Variants in ABHD18 observed in about 807,000 individuals in gnomAD.
The protein encoded by ABHD18 is abhydrolase domain containing 18.
Under a neutral mutation model 65.9 loss-of-function variants are expected in ABHD18, and 55 were observed. The observed-to-expected ratio is 0.84, with a 90% CI of 0.67 to 1.05. The LOEUF is 1.05. ABHD18 is among the 50% of genes least tolerant of loss of function. ABHD18 has a pLI of 0.00. For missense variants in ABHD18, 533 were observed against 558.5 expected (o/e 0.95, Z 0.46); for synonymous variants, 181 against 180.2 (o/e 1.00, Z -0.04).
chr4:128,031,322 C>T lies in ABHD18; in HGVS notation c.1343+650C>T, dbSNP rs968231870. 12 of 163,406 alleles carry T rather than the reference C, an allele frequency of 7.3e-5. No individual in the cohort carries two copies. In the South Asian group the frequency reaches 1.4e-3, roughly 19 times the overall value. The allele number at this position is 163,406 out of a possible 1,614,324, so 10.1% of individuals were successfully genotyped here. On this transcript the variant is annotated intron_variant, in intron 12 of 12. Transcript: ENST00000645843. ...ACAAAAAAAAAAAAAAAAAAGTAGC[C>T]GGGCATAGGTGGTGCATGTCTGTAG...
chr4:127,976,105 AC>A (rs1288568939), intron 1 of ABHD18, among the ~76,000 whole-genome samples: 3 of 152,316 alleles, frequency 2.0e-5, no homozygotes, highest in Non-Finnish European at 4.4e-5. Context: ...GGCATGAACC[AC>A]CACGTCTGGC....
Position 127,980,825 on chromosome 4 carries a change from C to CAAA in ABHD18, c.-17-2094_-17-2092dup, listed in dbSNP as rs768450115. On this transcript the variant is annotated intron_variant, in intron 1 of 12. Transcript: ENST00000645843. Reference sequence around the variant, plus strand: ...TGGGCAACAGAGCAAGACTGCATCTCAAAAAAAAAAAAAAAAAAAAAAGTG... The same window carrying CAAA: ...TGGGCAACAGAGCAAGACTGCATCTCAAAAAAAAAAAAAAAAAAAAAAAAAGTG... 1.9e-3 allele frequency among the ~76,000 whole-genome samples: 90 copies of CAAA among 46,460 alleles called. 1 individual carries two copies. Among genetic ancestry groups the CAAA allele is most frequent in the African/African-American group, 5.1e-3 (80 of 15,762 alleles). The allele number at this position is 46,460 out of a possible 152,430, so 30.5% of individuals were successfully genotyped here. A position where few individuals can be genotyped will look rare whatever the true frequency, so the allele number is the denominator to read the frequency against.
intron 4 of ABHD18, among the ~76,000 whole-genome samples, chr4:128,005,335 T>G (rs1753424091): frequency 6.6e-6 from 1 of 152,246 alleles, no homozygotes; most frequent in South Asian, 2.1e-4. Flanking sequence ...ATTACTTAGA[T>G]TCATAGGTAG....
chr4:128,021,140 G>A lies in ABHD18; in HGVS notation c.703G>A (p.Val235Met), dbSNP rs748557289. 22 of 1,534,884 alleles carry A rather than the reference G, an allele frequency of 1.4e-5. No homozygotes were observed. Among genetic ancestry groups the A allele is most frequent in the Non-Finnish European group, 1.8e-5 (20 of 1,133,300 alleles). The change falls in exon 10 of 13, where the codon GTG becomes ATG. Residue 235 changes from valine to methionine, a missense_variant. Val to Met is a conservative substitution (Grantham distance 21). This residue lies in a region of ABHD18 where 309 missense variants were observed against 313.5 expected (regional missense o/e 0.99). Coordinates refer to ENST00000645843, the MANE Select transcript of ABHD18 (RefSeq NM_001358451.3). ...STASGVFTTG[V>M]LSKSINWREL... is the part of the protein sequence containing the mutation. ...TTAATTTAGCTTATTATTTCAGGGT[G>A]TGTTGAGTAAATCAATTAATTGGAG...
intron 12 of ABHD18, among the ~76,000 whole-genome samples, chr4:128,034,001 T>G (rs1367267247): frequency 7.3e-6 from 1 of 136,632 alleles, no homozygotes; most frequent in East Asian, 2.3e-4. Context: ...GCTTGTCACC[T>G]AGGCTGGAGT....
intron 1 of ABHD18, among the ~76,000 whole-genome samples, chr4:127,967,631 C>T (rs950305507): frequency 6.6e-6 from 1 of 150,436 alleles, no homozygotes; most frequent in Non-Finnish European, 1.5e-5. Flanking sequence ...GTGATGACTT[C>T]AGACCACAAA....
intron 1 of ABHD18, among the ~76,000 whole-genome samples, chr4:127,981,806 A>G (rs1447196109): frequency 6.6e-6 from 1 of 152,194 alleles, no homozygotes; most frequent in Non-Finnish European, 1.5e-5. Context: ...GGAAACTGGG[A>G]AAAAGAGAGA....
intron 1 of ABHD18, among the ~76,000 whole-genome samples, chr4:127,976,892 T>G (rs1193082437): frequency 6.6e-6 from 1 of 151,932 alleles, no homozygotes; most frequent in East Asian, 1.9e-4. Context: ...ATACAAAAAA[T>G]TAGCTGGCCG....
chr4:128,033,524 C>CTTTTT (rs869099600), intron 12 of ABHD18, among the ~76,000 whole-genome samples: 40 of 108,628 alleles, frequency 3.7e-4, no homozygotes, highest in East Asian at 3.3e-3. Context: ...CAAAGATAGT[C>CTTTTT]TTTTTTTTTT....
At chr4:127,975,207 G>GTATAGTTCAA (rs1747679533) in intron 1 of ABHD18, among the ~76,000 whole-genome samples, 1 of 151,932 alleles carries the variant, frequency 6.6e-6, no homozygotes, top group African/African-American at 2.4e-5. Context: ...TCAAAGGTAA[G>GTATAGTTCAA]TATATTTATA....
Position 127,965,423 on chromosome 4 carries a change from T to G in ABHD18, c.-201T>G, listed in dbSNP as rs2276900. 3 of 556,246 alleles carry G rather than the reference T, an allele frequency of 5.4e-6. No homozygotes were observed. Among genetic ancestry groups the G allele is most frequent in the Non-Finnish European group, 9.7e-6 (3 of 307,814 alleles). 34.5% of individuals were successfully genotyped at this position (556,246 alleles called of 1,614,324 possible). A position where few individuals can be genotyped will look rare whatever the true frequency, so the allele number is the denominator to read the frequency against. On this transcript the variant is annotated 5_prime_UTR_variant, in exon 1 of 13. Coordinates refer to ENST00000645843, the MANE Select transcript of ABHD18 (RefSeq NM_001358451.3). ...GCGTGTCCAAACTGCCGCGCCGCCC[T>G]GCTCCGGGTTTGTCTTCCTCCCTCC...
intron 8 of ABHD18, 71 bp downstream of exon 8, chr4:128,017,572 T>G (rs1348981984): frequency 7.2e-7 from 1 of 1,381,464 alleles, no homozygotes; most frequent in African/African-American, 1.5e-5. Context: ...CTGGTTATTT[T>G]AAAAATTCAC....
rs535284092 is a variant in ABHD18 at position 127,997,935 on chromosome 4, G to A, written c.278+8114G>A. On this transcript the variant is annotated intron_variant, in intron 4 of 12. Transcript: ENST00000645843. ...GACAGATTCTTGCTCTATTGCTCAG[G>A]CTGGAGTGCAGTAGCGCAATCACAG... 7.0e-4 allele frequency among the ~76,000 whole-genome samples: 106 copies of A among 151,574 alleles called. 1 individual carries two copies. The South Asian group carries it at 0.012, about 17-fold the overall frequency.
chr4:128,034,769 G>A (rs906925851), intron 12 of ABHD18, among the ~76,000 whole-genome samples: 2 of 151,874 alleles, frequency 1.3e-5, no homozygotes, highest in East Asian at 1.9e-4. Context: ...TCCTGCCTCA[G>A]CCTCCCGAGT....
intron 9 of ABHD18, 87 bp from the exon 10 acceptor site, chr4:128,021,050 A>T: frequency 2.6e-5 from 18 of 692,474 alleles, no homozygotes; most frequent in Non-Finnish European, 3.4e-5. Flanking sequence ...AAAAAAAAAA[A>T]GGTAGTCTCA....
At chr4:128,005,356 GAA>G (rs748238676) in intron 4 of ABHD18, among the ~76,000 whole-genome samples, 3 of 152,244 alleles carry the variant, frequency 2.0e-5, no homozygotes, top group Non-Finnish European at 4.4e-5. Context: ...CTGGAATTGA[GAA>G]AGGCCTATAG....
chr4:128,025,992 A>T (rs1263036836), intron 10 of ABHD18, among the ~76,000 whole-genome samples: 2 of 152,148 alleles, frequency 1.3e-5, no homozygotes, highest in Non-Finnish European at 2.9e-5. Flanking sequence ...GTCTCTATTA[A>T]GAATATAAAA....
intron 1 of ABHD18, among the ~76,000 whole-genome samples, chr4:127,982,689 G>A (rs1265523632): frequency 1.3e-5 from 2 of 152,148 alleles, no homozygotes; most frequent in African/African-American, 4.8e-5. Flanking sequence ...ACTTATTTCA[G>A]CAACTGTACT....
chr4:127,994,603 A>G (rs953242582), intron 4 of ABHD18, among the ~76,000 whole-genome samples: 7 of 152,192 alleles, frequency 4.6e-5, no homozygotes, highest in Non-Finnish European at 7.3e-5. Flanking sequence ...AAACAAAAAA[A>G]ACAAACAAAA....
Sources: allele counts gnomAD v4.1 joint callset (sites outside exome capture counted in the v4.1 genomes callset), GRCh38; gene constraint gnomAD v4.1.1; regional missense constraint gnomAD v4.1.1; transcripts MANE v1.5; gene names NCBI Gene and HGNC (gene_info 2026-07-23, HGNC 2026-07-21).